SPATS2L: variants seen among roughly 807,000 people sequenced by gnomAD.
SPATS2L encodes SPATS2-like protein.
In SPATS2L, 30 loss-of-function variants were observed where a neutral mutation model predicts 59.6. That is an observed-to-expected ratio of 0.50 (90% CI 0.38 to 0.68). The LOEUF (loss-of-function observed/expected upper bound fraction) is 0.68, where lower values mean the gene tolerates loss of function less well. SPATS2L is among the 30% of genes least tolerant of loss of function. The probability of loss-of-function intolerance (pLI) is 0.00; values close to 1 mark genes in which losing one functional copy is unlikely to be tolerated. For missense variants in SPATS2L, 615 were observed against 700.0 expected, an observed-to-expected ratio of 0.88 and a Z score of 1.37; for synonymous variants, 252 against 263.5, an observed-to-expected ratio of 0.96 and a Z score of 0.42.
At position 200,424,925 on chromosome 2, in the gene SPATS2L, T is replaced by G. The variant is rs117837119; in HGVS notation, c.445+5429T>G. Among the ~76,000 whole-genome samples, 181 of 152,330 alleles carry G rather than the reference T, an allele frequency of 1.2e-3. 2 individuals carry two copies. In the East Asian group the frequency reaches 0.03, roughly 25 times the overall value. On this transcript the variant is annotated intron_variant, in intron 6 of 12. Coordinates refer to ENST00000409140, the MANE Select transcript of SPATS2L (RefSeq NM_001100423.2). ...CTGTTCCTTGGAACAGAAGGCTCCATGCCATGCTTGCTGACCTTCACGAGC... is the reference window on the plus strand; with the variant it reads ...CTGTTCCTTGGAACAGAAGGCTCCAGGCCATGCTTGCTGACCTTCACGAGC...
intron 3 of SPATS2L, 73 bp downstream of exon 3, chr2:200,389,356 A>G: frequency 9.1e-7 from 1 of 1,095,744 alleles, no homozygotes; most frequent in South Asian, 1.4e-5. Context: ...GTAAAAACTC[A>G]ATTACAGTGG....
At chr2:200,458,123 T>A (rs2106181666) in intron 8 of SPATS2L, among the ~76,000 whole-genome samples, 1 of 152,318 alleles carries the variant, frequency 6.6e-6, no homozygotes, top group East Asian at 1.9e-4. Context: ...GAATCAAGCA[T>A]TCATCCTACC....
At chr2:200,362,616 A>C (rs2081143730) in intron 2 of SPATS2L, among the ~76,000 whole-genome samples, 1 of 152,192 alleles carries the variant, frequency 6.6e-6, no homozygotes, top group Non-Finnish European at 1.5e-5. Context: ...ACTTAATTGC[A>C]AGGGAGGATG....
chr2:200,341,399 C>A (rs2080320693), intron 2 of SPATS2L, among the ~76,000 whole-genome samples: 1 of 152,130 alleles, frequency 6.6e-6, no homozygotes, highest in African/African-American at 2.4e-5. Flanking sequence ...ACTTACCTTA[C>A]TAAATTGTGA....
At chr2:200,324,266 GTC>G (rs1405677259) in intron 1 of SPATS2L, among the ~76,000 whole-genome samples, 1 of 152,150 alleles carries the variant, frequency 6.6e-6, no homozygotes, top group East Asian at 1.9e-4. Context: ...TGATTGAAAT[GTC>G]TCTGTGGAGT....
chr2:200,469,852 A>C (rs1450117458), intron 10 of SPATS2L, 62 bp from the exon 11 acceptor site: 1 of 1,326,932 alleles, frequency 7.5e-7, no homozygotes, highest in East Asian at 2.5e-5. Flanking sequence ...GAACGCATCC[A>C]CGGGGGTGCC....
intron 3 of SPATS2L, among the ~76,000 whole-genome samples, chr2:200,402,565 C>T (rs1296913102): frequency 6.6e-6 from 1 of 152,176 alleles, no homozygotes. Flanking sequence ...AGGGGGCTTC[C>T]CTTACTCTCT....
At chr2:200,409,022 T>C (rs1006762423) in intron 3 of SPATS2L, among the ~76,000 whole-genome samples, 17 of 152,230 alleles carry the variant, frequency 1.1e-4, no homozygotes, top group South Asian at 4.1e-4. Flanking sequence ...GGCCGCCTGG[T>C]GGGACCACTT....
At chr2:200,469,319 A>T (rs1209869519) in intron 10 of SPATS2L, among the ~76,000 whole-genome samples, 1 of 152,194 alleles carries the variant, frequency 6.6e-6, no homozygotes, top group Non-Finnish European at 1.5e-5. Flanking sequence ...CTCCCTGGTA[A>T]ACTCAAGAAG....
chr2:200,458,862 G>A (rs2086043544), intron 8 of SPATS2L, among the ~76,000 whole-genome samples: 1 of 152,128 alleles, frequency 6.6e-6, no homozygotes, highest in Non-Finnish European at 1.5e-5. Flanking sequence ...AAGTCCTTAT[G>A]TTTTAAAGAT....
intron 2 of SPATS2L, among the ~76,000 whole-genome samples, chr2:200,383,288 A>G (rs570041891): frequency 2.6e-5 from 4 of 152,352 alleles, no homozygotes; most frequent in African/African-American, 9.6e-5. Context: ...AAAAAAGTGA[A>G]AAGAAGTGGA....
chr2:200,444,171 A>G (rs2084882231), intron 8 of SPATS2L, among the ~76,000 whole-genome samples: 1 of 152,220 alleles, frequency 6.6e-6, no homozygotes. Context: ...GCCTCCTACC[A>G]CAACTGGAAA....
chr2:200,352,276 A>G (rs1272526183), intron 2 of SPATS2L, among the ~76,000 whole-genome samples: 1 of 148,196 alleles, frequency 6.7e-6, no homozygotes, highest in Non-Finnish European at 1.5e-5. Context: ...ATAAAATACA[A>G]AATATTTTGG....
intron 1 of SPATS2L, among the ~76,000 whole-genome samples, chr2:200,310,944 C>G (rs190574873): frequency 1.3e-5 from 2 of 152,352 alleles, no homozygotes; most frequent in Admixed American, 6.5e-5. Context: ...CATCGTTCCT[C>G]TAGACCATCA....
intron 3 of SPATS2L, among the ~76,000 whole-genome samples, chr2:200,402,018 A>T (rs1338186502): frequency 1.3e-5 from 2 of 152,188 alleles, no homozygotes; most frequent in African/African-American, 2.4e-5. Flanking sequence ...GAAACCAAGG[A>T]ATCACCCATG....
intron 2 of SPATS2L, among the ~76,000 whole-genome samples, chr2:200,336,055 A>C (rs1271465662): frequency 6.6e-6 from 1 of 152,232 alleles, no homozygotes; most frequent in Admixed American, 6.5e-5. Flanking sequence ...AAAACCTCAC[A>C]AACTAGCAGA....
At chr2:200,378,222 C>T (rs534332171) in intron 2 of SPATS2L, 7 of 1,001,792 alleles carry the variant, frequency 7.0e-6, no homozygotes, top group African/African-American at 1.7e-5. Flanking sequence ...GCTCCACATT[C>T]GTCACTATTG....
chr2:200,422,117 T>G (rs947349837), intron 6 of SPATS2L, among the ~76,000 whole-genome samples: 31 of 152,250 alleles, frequency 2.0e-4, no homozygotes, highest in African/African-American at 7.5e-4. Flanking sequence ...AAGAATTATT[T>G]CTTGCACAGT....
chr2:200,390,080 T>C (rs1285512585), intron 3 of SPATS2L: 2 of 152,304 alleles, frequency 1.3e-5, no homozygotes, highest in Admixed American at 1.3e-4. Context: ...ACCACAGTGC[T>C]GGTGCACCTT....
Sources: gnomAD v4.1 joint callset for allele counts (sites outside exome capture counted in the v4.1 genomes callset) on GRCh38, gnomAD v4.1.1 for gene constraint, MANE v1.5 for transcripts, NCBI Gene and HGNC (gene_info 2026-07-23, HGNC 2026-07-21) for gene names.